PDE10A: variants seen among roughly 807,000 people sequenced by gnomAD.
The protein encoded by PDE10A is phosphodiesterase 10A.
In PDE10A, 39 loss-of-function variants were observed where a neutral mutation model predicts 97.7. The observed-to-expected ratio is 0.40, with a 90% confidence interval of 0.31 to 0.52. The LOEUF (loss-of-function observed/expected upper bound fraction) is 0.52. Ranked by LOEUF, PDE10A falls within the 20% of genes least tolerant of loss-of-function variation. PDE10A has a pLI of 0.56. For missense variants in PDE10A, 731 were observed against 1,047.8 expected, an observed-to-expected ratio of 0.70 and a Z score of 4.17; for synonymous variants, 371 against 376.8, an observed-to-expected ratio of 0.98 and a Z score of 0.18.
At chr6:165,759,744 C>T (rs1337799512) in intron 1 of PDE10A, among the ~76,000 whole-genome samples, 1 of 152,190 alleles carries the variant, frequency 6.6e-6, no homozygotes, top group East Asian at 1.9e-4. Context: ...GCTAATCCAA[C>T]CTCCTCAGTG....
intron 3 of PDE10A, among the ~76,000 whole-genome samples, chr6:165,481,080 ACTGT>A (rs1433363513): frequency 6.6e-6 from 1 of 152,208 alleles, no homozygotes; most frequent in African/African-American, 2.4e-5. Flanking sequence ...TGTCAATGAC[ACTGT>A]CTGAACACAT....
intron 2 of PDE10A, among the ~76,000 whole-genome samples, chr6:165,483,864 AGTCTT>A (rs1779744499): frequency 6.6e-6 from 1 of 152,214 alleles, no homozygotes; most frequent in South Asian, 2.1e-4. Context: ...TTTTTCTCTT[AGTCTT>A]GCTTAGTTAG....
At chr6:165,515,372 A>G (rs1330284959) in intron 2 of PDE10A, among the ~76,000 whole-genome samples, 1 of 152,058 alleles carries the variant, frequency 6.6e-6, no homozygotes, top group Non-Finnish European at 1.5e-5. Flanking sequence ...TCCAATAAAT[A>G]ATTACATGAA....
At chr6:165,825,267 G>C (rs2128469933) in intron 1 of PDE10A, among the ~76,000 whole-genome samples, 1 of 152,204 alleles carries the variant, frequency 6.6e-6, no homozygotes, top group South Asian at 2.1e-4. Flanking sequence ...CCTCACACAA[G>C]CCCAGGGGTG....
chr6:165,803,930 A>G (rs1779047571), intron 1 of PDE10A, among the ~76,000 whole-genome samples: 4 of 151,852 alleles, frequency 2.6e-5, no homozygotes, highest in African/African-American at 4.8e-5. Context: ...CATCTCCCCA[A>G]CCCCAGCTCA....
intron 1 of PDE10A, among the ~76,000 whole-genome samples, chr6:165,626,206 T>C (rs978315574): frequency 2.6e-5 from 4 of 152,198 alleles, no homozygotes; most frequent in Non-Finnish European, 5.9e-5. Context: ...GAAAGTCTCT[T>C]AGATCAGGGA....
At chr6:165,898,388 G>A (rs1274489920) in intron 1 of PDE10A, among the ~76,000 whole-genome samples, 1 of 152,024 alleles carries the variant, frequency 6.6e-6, no homozygotes, top group Non-Finnish European at 1.5e-5. Flanking sequence ...GTGCCAAGGT[G>A]CCAGGCACCA....
chr6:165,343,613 A>G lies in PDE10A; in HGVS notation c.2784-111T>C, dbSNP rs1782116548. The G allele has an allele frequency of 5.3e-6, 4 of 751,332 alleles. No homozygotes were observed. The South Asian group carries it at 5.9e-5, about 11-fold the overall frequency. 46.5% of individuals were successfully genotyped at this position (751,332 alleles called of 1,614,324 possible). ...AAGTTTAAGTATGTATTACTTCATTAAAGAGCACACAGAAGTGACAGCCAG... is the reference window on the plus strand; with the variant it reads ...AAGTTTAAGTATGTATTACTTCATTGAAGAGCACACAGAAGTGACAGCCAG... On this transcript the variant is annotated intron_variant, in intron 18 of 21. Coordinates refer to ENST00000539869, the MANE Select transcript of PDE10A (RefSeq NM_001385079.1).
intron 1 of PDE10A, among the ~76,000 whole-genome samples, chr6:165,562,545 T>G (rs1409713618): frequency 6.6e-6 from 1 of 152,222 alleles, no homozygotes; most frequent in African/African-American, 2.4e-5. Context: ...TATTTTTTTT[T>G]GTTTAGCATC....
chr6:165,429,823 C>T (rs1321564809), intron 9 of PDE10A, among the ~76,000 whole-genome samples: 4 of 151,624 alleles, frequency 2.6e-5, no homozygotes, highest in African/African-American at 7.3e-5. Flanking sequence ...GCCAAACCAG[C>T]GAAATAAAAC....
intron 1 of PDE10A, among the ~76,000 whole-genome samples, chr6:165,727,930 A>C (rs747151799): frequency 3.3e-5 from 5 of 152,178 alleles, no homozygotes; most frequent in African/African-American, 9.7e-5. Context: ...AAAAGAAAGG[A>C]GTTTAAATAG....
At chr6:165,699,091 C>G (rs897615595) in intron 1 of PDE10A, among the ~76,000 whole-genome samples, 6 of 151,908 alleles carry the variant, frequency 3.9e-5, no homozygotes, top group African/African-American at 1.2e-4. Flanking sequence ...GTGTTGCATA[C>G]AAGAGATACA....
In PDE10A at chr6:165,943,665, C is replaced by T. The variant is rs184264131; in HGVS notation, c.-615+43864G>A. ...TTCACCCTTCCTCCACCTTTTCATTCTATTGGAGACTTCAGTGAGTCAGGT... is the reference window on the plus strand; with the variant it reads ...TTCACCCTTCCTCCACCTTTTCATTTTATTGGAGACTTCAGTGAGTCAGGT... On this transcript the variant is annotated intron_variant, in intron 1 of 19. Transcript: ENST00000366882. 2.4e-3 allele frequency among the ~76,000 whole-genome samples: 373 copies of T among 152,348 alleles called. 4 individuals are homozygous for T. Among genetic ancestry groups the T allele is most frequent in the Admixed American group, 0.02 (306 of 15,300 alleles).
chr6:165,849,683 C>T (rs1780521499), intron 1 of PDE10A, among the ~76,000 whole-genome samples: 1 of 152,156 alleles, frequency 6.6e-6, no homozygotes, highest in African/African-American at 2.4e-5. Context: ...AGTGGGGAGG[C>T]TGTGAGAGCC....
At chr6:165,830,860 C>T (rs1475550279) in intron 1 of PDE10A, among the ~76,000 whole-genome samples, 1 of 152,152 alleles carries the variant, frequency 6.6e-6, no homozygotes, top group Non-Finnish European at 1.5e-5. Flanking sequence ...AATCCAAAAG[C>T]TGATTTTAAA....
At chr6:165,939,293 ATG>A (rs761897997) in intron 1 of PDE10A, among the ~76,000 whole-genome samples, 1 of 152,234 alleles carries the variant, frequency 6.6e-6, no homozygotes. Context: ...GGGCACCTGC[ATG>A]TGTGCAAGTC....
chr6:165,586,454 C>T (rs1448545658), intron 1 of PDE10A, among the ~76,000 whole-genome samples: 1 of 152,124 alleles, frequency 6.6e-6, no homozygotes, highest in Non-Finnish European at 1.5e-5. Context: ...TCAATATTTC[C>T]TTTCCCATTT....
At position 165,663,183 on chromosome 6, in the gene PDE10A, C is replaced by A. The variant is rs1421032640; in HGVS notation, c.-372G>T. On this transcript the variant is annotated 5_prime_UTR_variant, in exon 1 of 22. Transcript: ENST00000539869. ...GCTTCTCGAAAGCAGCGGAGAAAAG[C>A]GCCGCAGTGCCGCTGCCCGTGGAGG... 6.6e-6 allele frequency among the ~76,000 whole-genome samples: 1 copy of A among 151,930 alleles called. No homozygotes were observed. Among genetic ancestry groups the A allele is most frequent in the Non-Finnish European group, 1.5e-5 (1 of 67,942 alleles).
intron 1 of PDE10A, among the ~76,000 whole-genome samples, chr6:165,915,441 G>T (rs1351690859): frequency 2.0e-5 from 3 of 152,244 alleles, no homozygotes; most frequent in Non-Finnish European, 4.4e-5. Context: ...ACCACAGTGT[G>T]TGCGGAGGGA....
Sources: allele counts gnomAD v4.1 joint callset (sites outside exome capture counted in the v4.1 genomes callset), GRCh38; gene constraint gnomAD v4.1.1; transcripts MANE v1.5; gene names NCBI Gene and HGNC (gene_info 2026-07-23, HGNC 2026-07-21).